ADM: variants seen among roughly 807,000 people sequenced by gnomAD.
The protein encoded by ADM is pro-adrenomedullin.
ADM carries 4 observed loss-of-function variants against 9.0 expected under a neutral mutation model. The ratio of observed to expected loss-of-function variants is 0.44; its 90% CI spans 0.22 to 1.02. The LOEUF is 1.02. Ranked by LOEUF, ADM falls within the 50% of genes least tolerant of loss-of-function variation. The pLI is 0.24. For missense variants in ADM, 253 were observed against 254.1 expected, an observed-to-expected ratio of 1.00 and a Z score of 0.03; for synonymous variants, 107 against 107.2, an observed-to-expected ratio of 1.00 and a Z score of 0.01.
Position 10,306,685 on chromosome 11 carries a change from C to T in ADM, c.*44C>T, listed in dbSNP as rs1053442018. The T allele has an allele frequency of 4.7e-6, 7 of 1,486,006 alleles. No homozygotes were observed. The highest frequency in any genetic ancestry group is 5.4e-6 in the Non-Finnish European group (6 of 1,116,108). The allele number at this position is 1,486,006 out of a possible 1,614,324, so 92.1% of individuals were successfully genotyped here. On this transcript the variant is annotated 3_prime_UTR_variant, in exon 4 of 4. Coordinates refer to ENST00000278175, the MANE Select transcript of ADM (RefSeq NM_001124.3). ...ACAAGGAATAGTCGCGCAAGCATCC[C>T]GCTGGTGCCTCCCGGGACGAAGGAC...
At position 10,305,763 on chromosome 11, in the gene ADM, C is replaced by G. The variant is rs1165955955; in HGVS notation, c.63C>G (p.Thr21=). 6.2e-7 allele frequency: 1 copy of G among 1,614,074 alleles called. No individual in the cohort carries two copies. The highest frequency in any genetic ancestry group is 8.5e-7 in the Non-Finnish European group (1 of 1,180,042). Residue 21 remains threonine (T), a synonymous_variant, in exon 2 of 4, where the codon ACC becomes ACG. Transcript: ENST00000278175. ...LGSLAFLGAD[T]ARLDVASEFR... ...CGCTCGCCTTCCTAGGCGCTGACAC[C>G]GCTCGGTTGGATGTCGCGTCGGAGT...
At chr11:10,306,273 C>T (rs1416779275) in intron 3 of ADM, 59 bp from the exon 4 acceptor site, 1 of 1,583,118 alleles carries the variant, frequency 6.3e-7, no homozygotes, top group Admixed American at 1.7e-5. Context: ...GGTGTTGGGG[C>T]CAAAGCTCTG....
At chr11:10,305,528 G>A in intron 1 of ADM, 152 bp from the exon 2 acceptor site, 1 of 649,584 alleles carries the variant, frequency 1.5e-6, no homozygotes, top group Non-Finnish European at 2.6e-6. Flanking sequence ...AACGCCTCTG[G>A]CGCCTCTCTG....
chr11:10,306,148 G>A (rs769609832), intron 3 of ADM, 50 bp downstream of exon 3: 1 of 1,599,288 alleles, frequency 6.3e-7, no homozygotes, highest in Non-Finnish European at 8.5e-7. Context: ...AAGGTGTGCG[G>A]GAGGAGTTCT....
Position 10,306,876 on chromosome 11 carries a change from G to A in ADM, c.*235G>A. 1 of 441,174 alleles carries A rather than the reference G, an allele frequency of 2.3e-6. No homozygotes were observed. Among genetic ancestry groups the A allele is most frequent in the East Asian group, 3.6e-5 (1 of 27,726 alleles). 27.3% of individuals were successfully genotyped at this position (441,174 alleles called of 1,614,324 possible). ...GTGCCCCAGGGGGCGGGGTGCAGAA[G>A]AATCCGAGTGTTTGCCAGGCTTAAG... is the stretch of plus-strand genomic sequence containing the variant. On this transcript the variant is annotated 3_prime_UTR_variant, in exon 4 of 4. Coordinates refer to ENST00000278175, the MANE Select transcript of ADM (RefSeq NM_001124.3).
rs2133660536 is a variant in ADM at position 10,306,381 on chromosome 11, A to T, written c.298A>T (p.Asn100Tyr). ...AGTCAAGCGCTACCGCCAGAGCATG[A>T]ACAACTTCCAGGGCCTCCGGAGCTT... Reference protein sequence around the residue: ...IRVKRYRQSMNNFQGLRSFGC... With the variant: ...IRVKRYRQSMYNFQGLRSFGC... The change falls in exon 4 of 4, where the codon AAC becomes TAC. Residue 100 changes from asparagine to tyrosine, a missense_variant. Physicochemically the swap from Asn to Tyr is moderately radical, Grantham distance 143. Coordinates refer to ENST00000278175, the MANE Select transcript of ADM (RefSeq NM_001124.3). 2.5e-6 allele frequency: 4 copies of T among 1,607,418 alleles called. No homozygotes were observed. Among genetic ancestry groups the T allele is most frequent in the Non-Finnish European group, 3.4e-6 (4 of 1,177,988 alleles).
At chr11:10,306,311 T>TGGGGCG in intron 3 of ADM, 21 bp from the exon 4 acceptor site, 52 of 1,543,554 alleles carry the variant, frequency 3.4e-5, no homozygotes, top group Non-Finnish European at 4.2e-5. Context: ...TTGCCTTTCT[T>TGGGGCG]CCCCCTCCCC....
chr11:10,305,539 C>A, intron 1 of ADM, 141 bp from the exon 2 acceptor site: 1 of 686,864 alleles, frequency 1.5e-6, no homozygotes, highest in Non-Finnish European at 2.4e-6. Context: ...CGCCTCTCTG[C>A]GCGGAGGGAG....
Position 10,306,029 on chromosome 11 carries a change from AGGCC to A in ADM, c.182_185del (p.Ala61GlyfsTer12). The A allele has an allele frequency of 6.2e-7, 1 of 1,614,098 alleles. No individual in the cohort carries two copies. The highest frequency in any genetic ancestry group is 8.5e-7 in the Non-Finnish European group (1 of 1,180,028). ...TACCCCACCGGGCTCGCTGACGTGA[AGGCC>A]GGGCCTGCCCAGACCCTTATTCGGC... is the stretch of plus-strand genomic sequence containing the variant. On this transcript the variant is annotated frameshift_variant, in exon 3 of 4. Transcript: ENST00000278175. LOFTEE classifies it high-confidence loss of function.
In ADM at chr11:10,305,752, G is replaced by T. The variant is rs1316727170; in HGVS notation, c.52G>T (p.Gly18Cys). The T allele has an allele frequency of 1.2e-6, 2 of 1,614,190 alleles. No homozygotes were observed. Among genetic ancestry groups the T allele is most frequent in the African/African-American group, 1.3e-5 (1 of 75,080 alleles). ...LMYLGSLAFL[G>C]ADTARLDVAS... The stretch of plus-strand genomic sequence containing the variant: ...GTACCTGGGTTCGCTCGCCTTCCTA[G>T]GCGCTGACACCGCTCGGTTGGATGT... Residue 18 changes from glycine (G) to cysteine (C), a missense_variant, in exon 2 of 4, where the codon GGC becomes TGC. Transcript: ENST00000278175.
At position 10,306,623 on chromosome 11, in the gene ADM, T is replaced by C. The variant is rs774639478; in HGVS notation, c.540T>C (p.Ser180=). The C allele has an allele frequency of 9.7e-6, 15 of 1,541,572 alleles. No homozygotes were observed. In the Admixed American group the frequency reaches 2.8e-4, roughly 29 times the overall value. ...AHGAPAPPSG[S]APHFL is the part of the protein sequence containing the mutation. ...GGGCTCCAGCCCCCCCGAGTGGAAG[T>C]GCTCCCCACTTTCTTTAGGATTTAG... The change falls in exon 4 of 4, where the codon AGT becomes AGC. Residue 180 remains serine, a synonymous_variant. Coordinates refer to ENST00000278175, the MANE Select transcript of ADM (RefSeq NM_001124.3).
At chr11:10,305,467 C>A in intron 1 of ADM, 1 of 558,540 alleles carries the variant, frequency 1.8e-6, no homozygotes, top group South Asian at 2.1e-5. Flanking sequence ...GGGAGCCTGG[C>A]GGGGTGCAGC....
chr11:10,306,311 T>TGGGGGGGCGG, intron 3 of ADM, 21 bp from the exon 4 acceptor site: 1 of 1,543,790 alleles, frequency 6.5e-7, no homozygotes. Context: ...TTGCCTTTCT[T>TGGGGGGGCGG]CCCCCTCCCC....
Position 10,306,495 on chromosome 11 carries a change from A to G in ADM, c.412A>G (p.Arg138Gly). The G allele has an allele frequency of 6.2e-7, 1 of 1,608,444 alleles. No individual in the cohort carries two copies. The highest frequency in any genetic ancestry group is 1.7e-5 in the Admixed American group (1 of 59,698). Residue 138 changes from arginine (R) to glycine (G), a missense_variant, in exon 4 of 4, where the codon AGG (arginine) becomes GGG (glycine). Transcript: ENST00000278175. Reference protein sequence around the residue: ...TDKDKDNVAPRSKISPQGYGR... With the variant: ...TDKDKDNVAPGSKISPQGYGR... The stretch of plus-strand genomic sequence containing the variant: ...TAAGGACAAGGACAACGTCGCCCCC[A>G]GGAGCAAGATCAGCCCCCAGGGCTA...
At chr11:10,305,601 C>A in intron 1 of ADM, 79 bp from the exon 2 acceptor site, 1 of 1,317,638 alleles carries the variant, frequency 7.6e-7, no homozygotes, top group Non-Finnish European at 1.1e-6. Flanking sequence ...CGCCGGGGCC[C>A]CTGCCCGCCC....
chr11:10,307,002 A>G lies in ADM; in HGVS notation c.*361A>G, dbSNP rs1964668463. 4.7e-6 allele frequency: 1 copy of G among 211,996 alleles called. No individual in the cohort carries two copies. Among genetic ancestry groups the G allele is most frequent in the South Asian group, 1.6e-4 (1 of 6,268 alleles). The allele number at this position is 211,996 out of a possible 1,614,324, so 13.1% of individuals were successfully genotyped here. On this transcript the variant is annotated 3_prime_UTR_variant, in exon 4 of 4. Coordinates refer to ENST00000278175, the MANE Select transcript of ADM (RefSeq NM_001124.3). This position sits in a 1 kb window ranked among gnomAD's most constrained non-coding sequence, Gnocchi z 4.5. ...CTGATTTCTCACGGCGTGTCACCCC[A>G]CCAGGGCGCAAGCCTCACTATTACT... is the stretch of plus-strand genomic sequence containing the variant.
chr11:10,305,687 G>A lies in ADM; in HGVS notation c.-14G>A, dbSNP rs907988530. 1.9e-6 allele frequency: 3 copies of A among 1,613,058 alleles called. No homozygotes were observed. The highest frequency in any genetic ancestry group is 1.7e-6 in the Non-Finnish European group (2 of 1,179,778). ...CTCTTTCTTCTTTTCCAGGGTCTGC[G>A]CTTCGCAGCCGGGATGAAGCTGGTT... is the stretch of plus-strand genomic sequence containing the variant. On this transcript the variant is annotated 5_prime_UTR_variant, in exon 2 of 4. Transcript: ENST00000278175.
At position 10,305,959 on chromosome 11, in the gene ADM, T is replaced by A. The variant is rs775255772; in HGVS notation, c.109T>A (p.Trp37Arg). 6.2e-7 allele frequency: 1 copy of A among 1,613,826 alleles called. No individual in the cohort carries two copies. The highest frequency in any genetic ancestry group is 8.5e-7 in the Non-Finnish European group (1 of 1,180,012). Residue 37 changes from tryptophan to arginine, a missense_variant, in exon 3 of 4, where the codon TGG becomes AGG. Transcript: ENST00000278175. Reference sequence around the variant, plus strand: ...GCTTGTGTTTTCCAGGTGGAATAAGTGGGCTCTGAGTCGTGGGAAGAGGGA... The same window carrying A: ...GCTTGTGTTTTCCAGGTGGAATAAGAGGGCTCTGAGTCGTGGGAAGAGGGA... ...ASEFRKKWNK[W>R]ALSRGKRELR...
In ADM at chr11:10,306,703, C is replaced by CCAGCCGG; in HGVS notation, c.*62_*63insCAGCCGG. 3 of 1,463,074 alleles carry CCAGCCGG rather than the reference C, an allele frequency of 2.1e-6. No homozygotes were observed. Among genetic ancestry groups the CCAGCCGG allele is most frequent in the Non-Finnish European group, 2.7e-6 (3 of 1,097,614 alleles). 90.6% of individuals were successfully genotyped at this position (1,463,074 alleles called of 1,614,324 possible). A position where few individuals can be genotyped will look rare whatever the true frequency, so the allele number is the denominator to read the frequency against. Reference sequence around the variant, plus strand: ...AGCATCCCGCTGGTGCCTCCCGGGACGAAGGACTTCCCGAGCGGTGTGGGG... The same window carrying CCAGCCGG: ...AGCATCCCGCTGGTGCCTCCCGGGACCAGCCGGGAAGGACTTCCCGAGCGGTGTGGGG... On this transcript the variant is annotated 3_prime_UTR_variant, in exon 4 of 4. Transcript: ENST00000278175.
Sources: gnomAD v4.1 joint callset for allele counts on GRCh38, gnomAD v4.1.1 for gene constraint, Gnocchi (gnomAD v3.1) non-coding constraint, MANE v1.5 for transcripts, NCBI Gene and HGNC (gene_info 2026-07-23, HGNC 2026-07-21) for gene names.